SNCAIP: variants seen among roughly 807,000 people sequenced by gnomAD.
SNCAIP encodes synuclein alpha interacting protein.
SNCAIP carries 43 observed loss-of-function variants against 86.7 expected under a neutral mutation model. That is an observed-to-expected ratio of 0.50 (90% confidence interval 0.39 to 0.64). The LOEUF (loss-of-function observed/expected upper bound fraction) is 0.64. Among genes scored for constraint, SNCAIP ranks in the 30% least tolerant of loss-of-function variants. SNCAIP has a pLI of 0.00. For missense variants in SNCAIP, 981 were observed against 1,103.1 expected (o/e 0.89, Z 1.57); for synonymous variants, 417 against 427.2 (o/e 0.98, Z 0.29).
chr5:122,339,024 G>A (rs1757048790), intron 1 of SNCAIP, among the ~76,000 whole-genome samples: 1 of 152,162 alleles, frequency 6.6e-6, no homozygotes, highest in South Asian at 2.1e-4. Context: ...CGTGTACAAA[G>A]GCAGGAAGGA....
At chr5:122,432,376 T>C (rs1427275294) in intron 6 of SNCAIP, among the ~76,000 whole-genome samples, 1 of 152,086 alleles carries the variant, frequency 6.6e-6, no homozygotes, top group East Asian at 1.9e-4. Context: ...ACAAAACTGG[T>C]CCTATAATTT....
chr5:122,364,737 C>A (rs1561587143), intron 1 of SNCAIP, among the ~76,000 whole-genome samples: 1 of 151,686 alleles, frequency 6.6e-6, no homozygotes, highest in African/African-American at 2.4e-5. Flanking sequence ...TTCTTTATTT[C>A]TTTTTTTTAT....
chr5:122,413,103 C>A (rs1193042387), intron 3 of SNCAIP, among the ~76,000 whole-genome samples: 2 of 152,208 alleles, frequency 1.3e-5, no homozygotes, highest in Middle Eastern at 3.2e-3. Flanking sequence ...AGCTCCCTCT[C>A]CCCTTCTGCC....
chr5:122,377,667 C>T (rs1228505918), intron 1 of SNCAIP, among the ~76,000 whole-genome samples: 1 of 150,734 alleles, frequency 6.6e-6, no homozygotes, highest in African/African-American at 2.4e-5. Context: ...TTATGTATAT[C>T]TCCCAATGCT....
At chr5:122,324,636 A>G (rs916153929) in intron 1 of SNCAIP, among the ~76,000 whole-genome samples, 1 of 152,204 alleles carries the variant, frequency 6.6e-6, no homozygotes, top group Non-Finnish European at 1.5e-5. Flanking sequence ...ATATCTTGTT[A>G]CCTGTTATTT....
At chr5:122,373,110 C>T (rs1204853576) in intron 1 of SNCAIP, among the ~76,000 whole-genome samples, 1 of 152,064 alleles carries the variant, frequency 6.6e-6, no homozygotes, top group East Asian at 1.9e-4. Flanking sequence ...TCTGGCTTTT[C>T]TTTTGTGTCA....
intron 1 of SNCAIP, among the ~76,000 whole-genome samples, chr5:122,327,020 G>T (rs148388191): frequency 4.6e-5 from 7 of 151,176 alleles, no homozygotes; most frequent in African/African-American, 1.7e-4. Flanking sequence ...TCAAAGTACC[G>T]TAATGATCTC....
intron 1 of SNCAIP, among the ~76,000 whole-genome samples, chr5:122,390,267 A>G (rs1769066314): frequency 6.6e-6 from 1 of 152,210 alleles, no homozygotes; most frequent in Non-Finnish European, 1.5e-5. Context: ...AGGCGCTGTC[A>G]GGAGATCTAT....
intron 2 of SNCAIP, among the ~76,000 whole-genome samples, chr5:122,394,466 A>G (rs1251917666): frequency 6.6e-6 from 1 of 152,242 alleles, no homozygotes; most frequent in Non-Finnish European, 1.5e-5. Context: ...CAAAGTTTAA[A>G]CTATACATTC....
At position 122,450,908 on chromosome 5, in the gene SNCAIP, C is replaced by A; in HGVS notation, c.2061C>A (p.Asp687Glu). The change falls in exon 10 of 11, where the codon GAC becomes GAA. Residue 687 changes from aspartate (D) to glutamate (E), a missense_variant. Asp to Glu is a conservative substitution (Grantham distance 45). Transcript: ENST00000261368. ...ACACAGACTCCAACAACTCTGAGGA[C>A]CCCAAGACTACCCCAGTGAGGAAGG... is the stretch of plus-strand genomic sequence containing the variant. ...ESDTDSNNSE[D>E]PKTTPVRKAD... The A allele has an allele frequency of 1.2e-6, 2 of 1,614,086 alleles. No homozygotes were observed. The highest frequency in any genetic ancestry group is 1.7e-6 in the Non-Finnish European group (2 of 1,180,004).
chr5:122,316,350 C>G (rs1438995568), intron 1 of SNCAIP, among the ~76,000 whole-genome samples: 1 of 152,226 alleles, frequency 6.6e-6, no homozygotes, highest in Admixed American at 6.5e-5. Context: ...GGCATCCACA[C>G]TCCTGAGCCA....
chr5:122,435,380 GT>G (rs1181711627), intron 6 of SNCAIP, among the ~76,000 whole-genome samples: 5 of 152,162 alleles, frequency 3.3e-5, no homozygotes. Flanking sequence ...AAACATGAAG[GT>G]TCAGATTGTC....
At chr5:122,353,265 C>A (rs1468486927) in intron 1 of SNCAIP, among the ~76,000 whole-genome samples, 1 of 151,940 alleles carries the variant, frequency 6.6e-6, no homozygotes, top group Non-Finnish European at 1.5e-5. Context: ...CAAGGCAAAC[C>A]AATCTATTGT....
chr5:122,326,606 C>CTTTTTTTTTTTTTTTTTTTT, intron 1 of SNCAIP, among the ~76,000 whole-genome samples: 1 of 42,112 alleles, frequency 2.4e-5, no homozygotes, highest in Non-Finnish European at 3.9e-5. Flanking sequence ...GAAATGTCTC[C>CTTTTTTTTTTTTTTTTTTTT]TTTTTTTTTT....
chr5:122,390,743 C>T (rs1769170532), intron 1 of SNCAIP, among the ~76,000 whole-genome samples: 1 of 152,186 alleles, frequency 6.6e-6, no homozygotes, highest in South Asian at 2.1e-4. Context: ...TCCCAAAGCC[C>T]TGCCTTTTAC....
At chr5:122,452,299 C>T (rs1783857926) in intron 10 of SNCAIP, among the ~76,000 whole-genome samples, 1 of 152,178 alleles carries the variant, frequency 6.6e-6, no homozygotes, top group African/African-American at 2.4e-5. Context: ...ATATGAACAT[C>T]TTTTTAGGCA....
chr5:122,426,395 C>G (rs1456713201), intron 5 of SNCAIP, among the ~76,000 whole-genome samples: 3 of 151,984 alleles, frequency 2.0e-5, no homozygotes, highest in Non-Finnish European at 4.4e-5. Context: ...GTTAGAGAAA[C>G]CTACATGTGA....
In SNCAIP at chr5:122,450,419, G is replaced by A. The variant is rs1581384349; in HGVS notation, c.1686-114G>A. On this transcript the variant is annotated intron_variant, in intron 9 of 10. Transcript: ENST00000261368. ...TCGAAAAGAAATTATGTACTTATCT[G>A]TATTCTGTTCTTATTTACTTATACA... 23 of 816,122 alleles carry A rather than the reference G, an allele frequency of 2.8e-5. No individual in the cohort carries two copies. The East Asian group carries it at 5.1e-4, about 18-fold the overall frequency. 50.6% of individuals were successfully genotyped at this position (816,122 alleles called of 1,614,324 possible). A position where few individuals can be genotyped will look rare whatever the true frequency, so the allele number is the denominator to read the frequency against.
chr5:122,429,523 C>G (rs1268866866), intron 5 of SNCAIP, among the ~76,000 whole-genome samples: 1 of 150,586 alleles, frequency 6.6e-6, no homozygotes, highest in Non-Finnish European at 1.5e-5. Flanking sequence ...CCTCACATTT[C>G]TGTGTTCTGT....
Sources: allele counts gnomAD v4.1 joint callset (sites outside exome capture counted in the v4.1 genomes callset), GRCh38; gene constraint gnomAD v4.1.1; transcripts MANE v1.5; gene names NCBI Gene and HGNC (gene_info 2026-07-23, HGNC 2026-07-21).